Variants in SLCO1B1 observed in about 807,000 individuals in gnomAD.
SLCO1B1 encodes solute carrier organic anion transporter family member 1B1, also known as OATP-2.
Under a neutral mutation model 70.1 loss-of-function variants are expected in SLCO1B1, and 81 were observed. That is an observed-to-expected ratio of 1.16 (90% CI 0.97 to 1.39). SLCO1B1 has a LOEUF of 1.39. Ranked by LOEUF, SLCO1B1 falls within the 40% of genes most tolerant of loss-of-function variation. The pLI is 0.00. For synonymous variants in SLCO1B1, 283 were observed against 271.5 expected, an observed-to-expected ratio of 1.04 and a Z score of -0.42; for missense variants, 895 against 799.6, an observed-to-expected ratio of 1.12 and a Z score of -1.44.
At chr12:21,213,785 A>C (rs1941320072) in intron 11 of SLCO1B1, among the ~76,000 whole-genome samples, 1 of 148,036 alleles carries the variant, frequency 6.8e-6, no homozygotes, top group African/African-American at 2.5e-5. Flanking sequence ...TTTTTCTCTA[A>C]ACTTCCCTTC....
chr12:21,150,106 A>ACAGGG (rs1435320308), intron 2 of SLCO1B1, among the ~76,000 whole-genome samples: 5 of 152,136 alleles, frequency 3.3e-5, no homozygotes, highest in African/African-American at 1.2e-4. Flanking sequence ...AGCCCACCGC[A>ACAGGG]GCTCCACAAA....
intron 2 of SLCO1B1, among the ~76,000 whole-genome samples, chr12:21,165,646 A>G (rs1434242696): frequency 6.6e-6 from 1 of 152,148 alleles, no homozygotes; most frequent in African/African-American, 2.4e-5. Flanking sequence ...AGTCTTTGGG[A>G]GCTAAAGAGA....
At chr12:21,132,972 C>T (rs1452595988) in intron 1 of SLCO1B1, among the ~76,000 whole-genome samples, 3 of 151,872 alleles carry the variant, frequency 2.0e-5, no homozygotes, top group African/African-American at 4.8e-5. Context: ...TTAGGTCTAA[C>T]ATTTAAGTCT....
intron 14 of SLCO1B1, among the ~76,000 whole-genome samples, chr12:21,232,680 CCA>C (rs558994312): frequency 1.6e-3 from 246 of 150,230 alleles, no homozygotes; most frequent in Non-Finnish European, 1.6e-3. Context: ...ATTAATCAGA[CCA>C]CACACACACA....
chr12:21,131,447 A>G (rs564190730), intron 1 of SLCO1B1, among the ~76,000 whole-genome samples: 1 of 152,198 alleles, frequency 6.6e-6, no homozygotes, highest in Non-Finnish European at 1.5e-5. Context: ...AAGTAGAGAA[A>G]ATAATACCTT....
At position 21,222,349 on chromosome 12, in the gene SLCO1B1, G is replaced by C. The variant is rs201001269; in HGVS notation, c.1732G>C (p.Val578Leu). The change falls in exon 13 of 15, where the codon GTT becomes CTT. Residue 578 changes from valine (V) to leucine (L), a missense_variant. Val to Leu is a conservative substitution (Grantham distance 32). Transcript: ENST00000256958. Reference protein sequence around the residue: ...KSLALGFHSMVIRALGGILAP... With the variant: ...KSLALGFHSMLIRALGGILAP... ...ACTTGCACTGGGTTTCCACTCAATG[G>C]TTATACGAGCACTAGGTATGATGAA... The C allele has an allele frequency of 3.7e-6, 2 of 545,424 alleles. No homozygotes were observed. The highest frequency in any genetic ancestry group is 7.4e-5 in the East Asian group (1 of 13,560). The allele number at this position is 545,424 out of a possible 1,614,324, so 33.8% of individuals were successfully genotyped here. A position where few individuals can be genotyped will look rare whatever the true frequency, so the allele number is the denominator to read the frequency against.
At chr12:21,235,836 C>CATT (rs71043257) in intron 14 of SLCO1B1, among the ~76,000 whole-genome samples, 142,338 of 151,750 alleles carry the variant, frequency 0.94, 66,806 homozygotes, top group East Asian at 1. Flanking sequence ...TCTTGGCTGT[C>CATT]ATTATTATTT....
In SLCO1B1 at chr12:21,178,700, A is replaced by G. The variant is rs369764409; in HGVS notation, c.606A>G (p.Glu202=). 10 of 1,604,258 alleles carry G rather than the reference A, an allele frequency of 6.2e-6. No individual in the cohort carries two copies. In the African/African-American group the frequency reaches 1.1e-4, roughly 17 times the overall value. ...CTTACATTGATGATTTCGCTAAAGAAGGACATTCTTCTTTGTATTTAGGTA... is the reference window on the plus strand; with the variant it reads ...CTTACATTGATGATTTCGCTAAAGAGGGACATTCTTCTTTGTATTTAGGTA... ...GLSYIDDFAK[E]GHSSLYLGIL... Residue 202 remains glutamate, a synonymous_variant, in exon 6 of 15, where the codon GAA becomes GAG. Coordinates refer to ENST00000256958, the MANE Select transcript of SLCO1B1 (RefSeq NM_006446.5).
intron 3 of SLCO1B1, among the ~76,000 whole-genome samples, chr12:21,173,340 A>G (rs1402930311): frequency 3.3e-5 from 5 of 152,078 alleles, no homozygotes; most frequent in African/African-American, 1.2e-4. Context: ...GTTTTTCCCT[A>G]TTAGTAATTT....
chr12:21,226,362 C>G (rs2121196100), intron 14 of SLCO1B1, among the ~76,000 whole-genome samples: 1 of 151,560 alleles, frequency 6.6e-6, no homozygotes, highest in South Asian at 2.1e-4. Flanking sequence ...TGCAGTAAGC[C>G]AAGCTCATGG....
chr12:21,173,116 CCTCCCCT>C (rs1485032220), intron 3 of SLCO1B1, among the ~76,000 whole-genome samples: 2 of 152,198 alleles, frequency 1.3e-5, no homozygotes, highest in African/African-American at 4.8e-5. Flanking sequence ...TCATACTTTA[CCTCCCCT>C]CTCTCAAGAT....
rs376060151 is a variant in SLCO1B1 at position 21,202,568 on chromosome 12, G to T, written c.1213G>T (p.Val405Phe). Residue 405 changes from valine to phenylalanine, a missense_variant, in exon 10 of 15, where the codon GTT becomes TTT. Val to Phe is a conservative substitution (Grantham distance 50). Coordinates refer to ENST00000256958, the MANE Select transcript of SLCO1B1 (RefSeq NM_006446.5). ...CATTAAAAAATTCAAACTGAACACC[G>T]TTGGAATTGCCAAATTCTCATGTTT... Reference protein sequence around the residue: ...YIIKKFKLNTVGIAKFSCFTA... With the variant: ...YIIKKFKLNTFGIAKFSCFTA... 1.2e-6 allele frequency: 2 copies of T among 1,612,056 alleles called. No homozygotes were observed. Among genetic ancestry groups the T allele is most frequent in the Non-Finnish European group, 8.5e-7 (1 of 1,178,962 alleles).
At chr12:21,225,804 A>G (rs954743221) in intron 14 of SLCO1B1, among the ~76,000 whole-genome samples, 13 of 152,166 alleles carry the variant, frequency 8.5e-5, no homozygotes, top group Admixed American at 4.6e-4. Context: ...GTGGATATGT[A>G]AAAAATAGTA....
At chr12:21,145,473 A>ATTTT (rs35334634) in intron 2 of SLCO1B1, among the ~76,000 whole-genome samples, 37,871 of 76,162 alleles carry the variant, frequency 0.5, 12,437 homozygotes, top group South Asian at 0.71. Context: ...CATTTTTTTC[A>ATTTT]TTTTTTTTTT....
At chr12:21,137,244 G>A (rs960555526) in intron 1 of SLCO1B1, among the ~76,000 whole-genome samples, 4 of 152,116 alleles carry the variant, frequency 2.6e-5, no homozygotes, top group Non-Finnish European at 5.9e-5. Flanking sequence ...CGCCCCTACT[G>A]GGGGGTGCCT....
At chr12:21,222,180 G>T (rs1404684977) in intron 12 of SLCO1B1, 120 bp from the exon 13 acceptor site, 1 of 337,282 alleles carries the variant, frequency 3.0e-6, no homozygotes, top group Non-Finnish European at 5.7e-6. Context: ...ATATAATGGG[G>T]CCATTCAACT....
rs1474093725 is a variant in SLCO1B1 at position 21,239,539 on chromosome 12, A to T, written c.*350A>T. On this transcript the variant is annotated 3_prime_UTR_variant, in exon 15 of 15. Transcript: ENST00000256958. ...AGTATCATACAGGTAGAGGTTAAAA[A>T]GGAGGAGCTAGATTCATATCCTAAG... Among the ~76,000 whole-genome samples the T allele has an allele frequency of 6.6e-6, 1 of 152,194 alleles. No homozygotes were observed. The highest frequency in any genetic ancestry group is 1.5e-5 in the Non-Finnish European group (1 of 68,010).
intron 10 of SLCO1B1, among the ~76,000 whole-genome samples, chr12:21,205,254 A>T (rs1019230575): frequency 1.3e-5 from 2 of 151,968 alleles, no homozygotes; most frequent in Non-Finnish European, 2.9e-5. Flanking sequence ...ATAATTTATA[A>T]CCATTTCATA....
At chr12:21,199,786 T>G (rs904608324) in intron 8 of SLCO1B1, among the ~76,000 whole-genome samples, 1 of 151,360 alleles carries the variant, frequency 6.6e-6, no homozygotes, top group Non-Finnish European at 1.5e-5. Flanking sequence ...TGTTTTTGGG[T>G]TTTTTTGTTT....
Sources: gnomAD v4.1 joint callset for allele counts (sites outside exome capture counted in the v4.1 genomes callset) on GRCh38, gnomAD v4.1.1 for gene constraint, MANE v1.5 for transcripts, NCBI Gene and HGNC (gene_info 2026-07-23, HGNC 2026-07-21) for gene names.